The following GPC5 variants were observed in gnomAD, a reference collection of about 807,000 sequenced individuals.
The protein encoded by GPC5 is glypican-5.
In GPC5, 47 loss-of-function variants were observed where a neutral mutation model predicts 53.9. That is an observed-to-expected ratio of 0.87 (90% CI 0.69 to 1.11). The LOEUF (loss-of-function observed/expected upper bound fraction) is 1.11, where lower values mean the gene tolerates loss of function less well. GPC5 is among the 50% of genes most tolerant of loss of function. The pLI is 0.00. For missense variants in GPC5, 748 were observed against 713.1 expected (o/e 1.05, Z -0.56); for synonymous variants, 286 against 263.3 (o/e 1.09, Z -0.84).
intron 4 of GPC5, among the ~76,000 whole-genome samples, chr13:91,740,924 A>G (rs537120566): frequency 3.9e-5 from 6 of 152,274 alleles, no homozygotes; most frequent in African/African-American, 1.2e-4. Flanking sequence ...GGCTGTGCCA[A>G]TTAAGTAGGT....
intron 3 of GPC5, among the ~76,000 whole-genome samples, chr13:91,713,068 A>G (rs1011099347): frequency 1.3e-5 from 2 of 152,052 alleles, no homozygotes; most frequent in Admixed American, 6.6e-5. Context: ...GTGCACACCT[A>G]TAATCCCAGC....
At chr13:92,363,933 A>T (rs2043588475) in intron 7 of GPC5, among the ~76,000 whole-genome samples, 1 of 151,796 alleles carries the variant, frequency 6.6e-6, no homozygotes, top group Non-Finnish European at 1.5e-5. Flanking sequence ...GAATGCCGAA[A>T]CAGTGATTAT....
chr13:92,623,615 T>C (rs983378067), intron 7 of GPC5, among the ~76,000 whole-genome samples: 3 of 152,226 alleles, frequency 2.0e-5, no homozygotes, highest in Non-Finnish European at 2.9e-5. Flanking sequence ...TAGTGGATTG[T>C]TACGGCAAAT....
At chr13:92,274,226 G>T (rs909472408) in intron 7 of GPC5, among the ~76,000 whole-genome samples, 4 of 152,010 alleles carry the variant, frequency 2.6e-5, no homozygotes, top group Non-Finnish European at 4.4e-5. Flanking sequence ...GGCTATTCAT[G>T]ACCCTGGTCT....
chr13:92,243,496 C>A (rs2042628655), intron 7 of GPC5, among the ~76,000 whole-genome samples: 1 of 151,812 alleles, frequency 6.6e-6, no homozygotes, highest in South Asian at 2.1e-4. Context: ...TCAATAGAAA[C>A]TGAAAAATAA....
At chr13:92,855,989 C>T (rs1034648624) in intron 7 of GPC5, among the ~76,000 whole-genome samples, 1 of 152,022 alleles carries the variant, frequency 6.6e-6, no homozygotes. Flanking sequence ...GGAAGAATGA[C>T]TCCTTCCTAA....
chr13:91,668,113 G>A (rs1442582021), intron 2 of GPC5, among the ~76,000 whole-genome samples: 2 of 152,102 alleles, frequency 1.3e-5, no homozygotes, highest in Non-Finnish European at 2.9e-5. Context: ...ATATGTATGA[G>A]GTCTCCTGGT....
chr13:92,510,227 AG>A (rs1458264379), intron 7 of GPC5: 2 of 152,180 alleles, frequency 1.3e-5, no homozygotes, highest in East Asian at 3.9e-4. Flanking sequence ...GAAAAATTAA[AG>A]GCATCTTTAT....
chr13:91,556,533 T>TATAC (rs1423599299), intron 2 of GPC5, among the ~76,000 whole-genome samples: 3 of 151,046 alleles, frequency 2.0e-5, no homozygotes, highest in Non-Finnish European at 4.4e-5. Context: ...TATATATATA[T>TATAC]ATATAAAATG....
intron 5 of GPC5, among the ~76,000 whole-genome samples, chr13:91,786,153 C>T (rs564163306): frequency 1.1e-3 from 163 of 152,248 alleles, no homozygotes; most frequent in African/African-American, 3.0e-3. Context: ...CCCACCACCA[C>T]GCCTGGCTAA....
At chr13:92,302,397 C>G (rs2043081985) in intron 7 of GPC5, among the ~76,000 whole-genome samples, 1 of 152,000 alleles carries the variant, frequency 6.6e-6, no homozygotes, top group Non-Finnish European at 1.5e-5. Flanking sequence ...GAATAGTGCC[C>G]TTGGATATAA....
chr13:91,805,282 T>C (rs560680687), intron 5 of GPC5, among the ~76,000 whole-genome samples: 5 of 152,010 alleles, frequency 3.3e-5, no homozygotes, highest in African/African-American at 9.6e-5. Flanking sequence ...AAATGAGAGG[T>C]GGGGAGACAT....
At chr13:92,136,374 C>T (rs1448596002) in intron 6 of GPC5, among the ~76,000 whole-genome samples, 2 of 149,386 alleles carry the variant, frequency 1.3e-5, no homozygotes, top group Non-Finnish European at 3.0e-5. Flanking sequence ...ATTTTTTATT[C>T]TATACATGAT....
intron 6 of GPC5, among the ~76,000 whole-genome samples, chr13:92,069,024 T>C (rs1316157897): frequency 1.3e-5 from 2 of 152,002 alleles, no homozygotes; most frequent in African/African-American, 4.8e-5. Context: ...TACATTTAGG[T>C]TTTCATCAAC....
At chr13:91,445,147 G>C (rs546333788) in intron 1 of GPC5, among the ~76,000 whole-genome samples, 1 of 152,158 alleles carries the variant, frequency 6.6e-6, no homozygotes, top group East Asian at 1.9e-4. Context: ...TCAGCATATC[G>C]TTATTTTTTC....
chr13:91,514,077 T>C (rs74105031), intron 2 of GPC5, among the ~76,000 whole-genome samples: 2,276 of 152,320 alleles, frequency 0.015, 43 homozygotes, highest in African/African-American at 0.049. Flanking sequence ...TTTCTGGTTT[T>C]TGGTTATTTT....
chr13:92,126,404 T>G (rs1261448016), intron 6 of GPC5, among the ~76,000 whole-genome samples: 2 of 152,210 alleles, frequency 1.3e-5, no homozygotes, highest in African/African-American at 2.4e-5. Flanking sequence ...ATAGATGTCT[T>G]GCACATAGGA....
intron 7 of GPC5, among the ~76,000 whole-genome samples, chr13:92,373,136 A>C (rs1373573229): frequency 6.6e-6 from 1 of 152,186 alleles, no homozygotes; most frequent in African/African-American, 2.4e-5. Flanking sequence ...GTAATTCCTT[A>C]ATATAGCTTT....
chr13:91,876,760 T>C (rs1228595073), intron 5 of GPC5, among the ~76,000 whole-genome samples: 1 of 152,178 alleles, frequency 6.6e-6, no homozygotes, highest in Non-Finnish European at 1.5e-5. Flanking sequence ...TTTGCATAAG[T>C]AGCAAGGAGC....
Sources: gnomAD v4.1 joint callset for allele counts (sites outside exome capture counted in the v4.1 genomes callset) on GRCh38, gnomAD v4.1.1 for gene constraint, MANE v1.5 for transcripts, NCBI Gene and HGNC (gene_info 2026-07-23, HGNC 2026-07-21) for gene names.